The following SNTG1 variants were observed in gnomAD, a reference collection of about 807,000 sequenced individuals.
SNTG1 encodes the protein syntrophin gamma 1, also known as gamma-1-syntrophin.
SNTG1 carries 39 observed loss-of-function variants against 74.7 expected under a neutral mutation model. That is an observed-to-expected ratio of 0.52 (90% CI 0.40 to 0.68). The LOEUF is 0.68. SNTG1 is among the 30% of genes least tolerant of loss of function. The pLI is 0.00. For missense variants in SNTG1, 685 were observed against 609.5 expected (o/e 1.12, Z -1.30); for synonymous variants, 254 against 217.1 (o/e 1.17, Z -1.49).
chr8:50,445,046 C>T (rs554368048), intron 5 of SNTG1, among the ~76,000 whole-genome samples: 12 of 152,114 alleles, frequency 7.9e-5, no homozygotes, highest in Non-Finnish European at 1.8e-4. Flanking sequence ...TATTCATCAC[C>T]CTTTTATCCC....
At chr8:50,701,407 T>C (rs1032389226) in intron 15 of SNTG1, among the ~76,000 whole-genome samples, 1 of 152,190 alleles carries the variant, frequency 6.6e-6, no homozygotes, top group South Asian at 2.1e-4. Flanking sequence ...TCCTTTTCTT[T>C]GAATTTCTGA....
chr8:50,229,613 T>C (rs1019416637), intron 2 of SNTG1, among the ~76,000 whole-genome samples: 19 of 151,378 alleles, frequency 1.3e-4, no homozygotes, highest in African/African-American at 4.6e-4. Flanking sequence ...TTGTTAAAGA[T>C]AAAAATATGC....
intron 13 of SNTG1, among the ~76,000 whole-genome samples, chr8:50,622,869 A>G (rs1320715015): frequency 6.6e-6 from 1 of 152,122 alleles, no homozygotes; most frequent in Non-Finnish European, 1.5e-5. Flanking sequence ...ATCTTCTCAA[A>G]GGTAAATATG....
Position 50,385,970 on chromosome 8 carries a change from C to T in SNTG1, c.-27-8242C>T, listed in dbSNP as rs534270168. Among the ~76,000 whole-genome samples, 25 of 152,130 alleles carry T rather than the reference C, an allele frequency of 1.6e-4. No homozygotes were observed. In the South Asian group the frequency reaches 4.8e-3, roughly 29 times the overall value. ...ACTTCTCCTGAAACTTTTGAGTCCT[C>T]GATGATAGTAATAAAGTCTACAATA... On this transcript the variant is annotated intron_variant, in intron 2 of 18. Transcript: ENST00000642720.
At chr8:50,183,926 A>G (rs2083294470) in intron 2 of SNTG1, among the ~76,000 whole-genome samples, 1 of 152,304 alleles carries the variant, frequency 6.6e-6, no homozygotes, top group South Asian at 2.1e-4. Flanking sequence ...TTATCTATTA[A>G]GAAAATCTAC....
At chr8:50,718,071 T>C (rs1006592568) in intron 17 of SNTG1, among the ~76,000 whole-genome samples, 1 of 152,148 alleles carries the variant, frequency 6.6e-6, no homozygotes, top group Non-Finnish European at 1.5e-5. Context: ...TGAGTTTAAA[T>C]GGTTCTTAGC....
intron 2 of SNTG1, among the ~76,000 whole-genome samples, chr8:50,327,961 C>G (rs893430360): frequency 3.9e-5 from 6 of 152,256 alleles, no homozygotes; most frequent in African/African-American, 1.4e-4. Flanking sequence ...CCTAATTCCT[C>G]TATCTCATTT....
chr8:50,576,955 G>A (rs1348210220), intron 12 of SNTG1, among the ~76,000 whole-genome samples: 1 of 151,022 alleles, frequency 6.6e-6, no homozygotes, highest in Non-Finnish European at 1.5e-5. Context: ...CTTTTTTCTT[G>A]CTTAATTACA....
intron 2 of SNTG1, among the ~76,000 whole-genome samples, chr8:50,251,062 C>A (rs1004536958): frequency 3.3e-5 from 5 of 151,788 alleles, no homozygotes; most frequent in African/African-American, 1.2e-4. Flanking sequence ...ATACAAATTA[C>A]AGTAACCAAA....
At chr8:50,288,761 G>C (rs1350359997) in intron 2 of SNTG1, among the ~76,000 whole-genome samples, 3 of 152,112 alleles carry the variant, frequency 2.0e-5, no homozygotes, top group Non-Finnish European at 2.9e-5. Context: ...GTTGACATGT[G>C]AGGCTATTTT....
intron 1 of SNTG1, among the ~76,000 whole-genome samples, chr8:49,964,902 A>G (rs1051796217): frequency 6.6e-6 from 1 of 152,232 alleles, no homozygotes; most frequent in Non-Finnish European, 1.5e-5. Context: ...ATAGCCATGT[A>G]TGGCACATTA....
chr8:49,994,460 T>C (rs1814007974), intron 1 of SNTG1, among the ~76,000 whole-genome samples: 1 of 151,078 alleles, frequency 6.6e-6, no homozygotes, highest in African/African-American at 2.4e-5. Flanking sequence ...AGACGGGGTT[T>C]CACCATGTTG....
In SNTG1 at chr8:50,747,036, G is replaced by T. The variant is rs184463376; in HGVS notation, c.1285-4965G>T. Reference sequence around the variant, plus strand: ...TTGTATGCTATCTAAATATGCTATTGTGATATTGGATGATGAGGTATAGTC... The same window carrying T: ...TTGTATGCTATCTAAATATGCTATTTTGATATTGGATGATGAGGTATAGTC... On this transcript the variant is annotated intron_variant, in intron 17 of 18. Coordinates refer to ENST00000642720, the MANE Select transcript of SNTG1 (RefSeq NM_018967.5). Among the ~76,000 whole-genome samples the T allele has an allele frequency of 9.1e-4, 138 of 151,366 alleles. 2 individuals are homozygous for T. Among genetic ancestry groups the T allele is most frequent in the Middle Eastern group, 6.8e-3 (2 of 292 alleles).
In SNTG1 at chr8:50,307,750, G is replaced by A. The variant is rs1437917632; in HGVS notation, c.-27-86462G>A. The stretch of plus-strand genomic sequence containing the variant: ...TGTCTTCGATGTTTTTCTTGTATCA[G>A]CTTTATATGTAATTCAATTATAACT... On this transcript the variant is annotated intron_variant, in intron 2 of 18. Coordinates refer to ENST00000642720, the MANE Select transcript of SNTG1 (RefSeq NM_018967.5). Among the ~76,000 whole-genome samples, 7 of 152,030 alleles carry A rather than the reference G, an allele frequency of 4.6e-5. No individual in the cohort carries two copies. In the East Asian group the frequency reaches 1.2e-3, roughly 25 times the overall value.
rs74633327 is a variant in SNTG1, at chr8:50,160,994, A to G, written c.-102-11567A>G. On this transcript the variant is annotated intron_variant, in intron 1 of 18. Coordinates refer to ENST00000642720, the MANE Select transcript of SNTG1 (RefSeq NM_018967.5). Reference sequence around the variant, plus strand: ...ACCACTGCTGCAAAGAGAGGATTTCATATTTAGAGAATGGCAATGACTTTG... The same window carrying G: ...ACCACTGCTGCAAAGAGAGGATTTCGTATTTAGAGAATGGCAATGACTTTG... Among the ~76,000 whole-genome samples, 384 of 152,314 alleles carry G rather than the reference A, an allele frequency of 2.5e-3. 6 individuals are homozygous for G. Among genetic ancestry groups the G allele is most frequent in the East Asian group, 0.017 (90 of 5,174 alleles).
At chr8:50,613,068 AAGG>A (rs1238459757) in intron 13 of SNTG1, among the ~76,000 whole-genome samples, 1 of 152,220 alleles carries the variant, frequency 6.6e-6, no homozygotes, top group Non-Finnish European at 1.5e-5. Flanking sequence ...ATTGAAGAAG[AAGG>A]AGAAGAGCAT....
chr8:50,666,497 T>A (rs2095251482), intron 15 of SNTG1, among the ~76,000 whole-genome samples: 3 of 152,158 alleles, frequency 2.0e-5, no homozygotes, highest in Admixed American at 6.6e-5. Context: ...GGTAATGAAG[T>A]ATCACATTGG....
At chr8:50,463,773 T>C (rs943984870) in intron 8 of SNTG1, among the ~76,000 whole-genome samples, 1 of 152,206 alleles carries the variant, frequency 6.6e-6, no homozygotes, top group African/African-American at 2.4e-5. Flanking sequence ...CCCCTAATAA[T>C]AGAGCCAGCC....
At chr8:50,483,808 G>A (rs542819960) in intron 8 of SNTG1, among the ~76,000 whole-genome samples, 10 of 152,252 alleles carry the variant, frequency 6.6e-5, no homozygotes, top group Non-Finnish European at 1.3e-4. Flanking sequence ...TTGTTTTTCA[G>A]ATCTTGATAA....
Sources: gnomAD v4.1 joint callset for allele counts (sites outside exome capture counted in the v4.1 genomes callset) on GRCh38, gnomAD v4.1.1 for gene constraint, MANE v1.5 for transcripts, NCBI Gene and HGNC (gene_info 2026-07-23, HGNC 2026-07-21) for gene names.